FARP2: variants seen among roughly 807,000 people sequenced by gnomAD.
FARP2 encodes FERM, ARH/RhoGEF and pleckstrin domain protein 2.
A neutral mutation model predicts 130.5 loss-of-function variants in FARP2; 111 were observed. That is an observed-to-expected ratio of 0.85 (90% CI 0.73 to 1.00). The LOEUF is 1.00. Among genes scored for constraint, FARP2 ranks in the 50% least tolerant of loss-of-function variants. The pLI is 0.00. For synonymous variants in FARP2, 504 were observed against 516.9 expected (o/e 0.98, Z 0.34); for missense variants, 1,385 against 1,346.3 (o/e 1.03, Z -0.45).
In FARP2 at chr2:241,442,886, A is replaced by G. The variant is rs138340071; in HGVS notation, c.1411+1330A>G. 9.9e-3 allele frequency: 2,362 copies of G among 239,318 alleles called. 79 individuals are homozygous for G. The highest frequency in any genetic ancestry group is 0.063 in the South Asian group (1,248 of 19,752). 14.8% of individuals were successfully genotyped at this position (239,318 alleles called of 1,614,324 possible). ...ACAATTCTGTTCATGTTGATCTTCA[A>G]TAGAATATGTGTATTACACTATTGA... On this transcript the variant is annotated intron_variant, in intron 13 of 26. Coordinates refer to ENST00000264042, the MANE Select transcript of FARP2 (RefSeq NM_014808.4).
intron 9 of FARP2, among the ~76,000 whole-genome samples, chr2:241,432,851 C>T (rs1339398932): frequency 6.6e-6 from 1 of 152,148 alleles, no homozygotes; most frequent in Non-Finnish European, 1.5e-5. Context: ...GATGGCCATG[C>T]CTGTGTCAGC....
intron 6 of FARP2, 89 bp from the exon 7 acceptor site, chr2:241,413,218 A>AT (rs141753202): frequency 0.091 from 64,863 of 714,114 alleles, 2,599 homozygotes; most frequent in Middle Eastern, 0.11. Context: ...ATTTGGGATA[A>AT]TTTTTTTTTA....
chr2:241,413,167 A>T (rs3815262), intron 6 of FARP2, 140 bp from the exon 7 acceptor site: 100,137 of 565,790 alleles, frequency 0.18, 10,339 homozygotes, highest in Admixed American at 0.38. Flanking sequence ...AAAATTAAAT[A>T]AAAAATCTTG....
chr2:241,370,112 T>C (rs2061393578), intron 1 of FARP2, among the ~76,000 whole-genome samples: 1 of 152,172 alleles, frequency 6.6e-6, no homozygotes, highest in Non-Finnish European at 1.5e-5. Context: ...ATCTATTGTT[T>C]GGTAGCACAA....
In FARP2 at chr2:241,431,701, T is replaced by C. The variant is rs185323681; in HGVS notation, c.794T>C (p.Phe265Ser). The C allele has an allele frequency of 3.5e-4, 554 of 1,600,792 alleles. No homozygotes were observed. Among genetic ancestry groups the C allele is most frequent in the Middle Eastern group, 9.9e-4 (6 of 6,046 alleles). ...VFQGTTKINT[F>S]NWSKVRKLSF... Reference sequence around the variant, plus strand: ...CAGGGCACCACCAAAATCAACACTTTCAACTGGTCCAAGGTCCGTAAACTA... The same window carrying C: ...CAGGGCACCACCAAAATCAACACTTCCAACTGGTCCAAGGTCCGTAAACTA... The change falls in exon 9 of 27, where the codon TTC becomes TCC. Residue 265 changes from phenylalanine to serine, a missense_variant. Coordinates refer to ENST00000264042, the MANE Select transcript of FARP2 (RefSeq NM_014808.4).
At chr2:241,439,090 G>A (rs1032089605) in intron 12 of FARP2, among the ~76,000 whole-genome samples, 2 of 151,102 alleles carry the variant, frequency 1.3e-5, no homozygotes, top group African/African-American at 4.9e-5. Flanking sequence ...ATCACAGCTC[G>A]TTGCAGCCTC....
At chr2:241,424,250 A>G (rs958675236) in intron 8 of FARP2, among the ~76,000 whole-genome samples, 2 of 152,248 alleles carry the variant, frequency 1.3e-5, no homozygotes, top group African/African-American at 2.4e-5. Context: ...AACTGAAATC[A>G]TAACAAACAG....
intron 10 of FARP2, 30 bp from the exon 11 acceptor site, chr2:241,434,932 T>A (rs376499728): frequency 3.8e-6 from 5 of 1,330,238 alleles, no homozygotes; most frequent in Non-Finnish European, 5.4e-6. Flanking sequence ...CTTACTGTTC[T>A]TTATTAAAAA....
chr2:241,446,903 A>G (rs749152953), intron 13 of FARP2: 10 of 152,154 alleles, frequency 6.6e-5, no homozygotes, highest in Admixed American at 1.3e-4. Context: ...CCCTAGTTCA[A>G]GGAAGCGCCA....
chr2:241,386,789 T>G (rs1007480186), intron 2 of FARP2: 2 of 152,260 alleles, frequency 1.3e-5, no homozygotes, highest in African/African-American at 4.8e-5. Context: ...GCTGTTTTTC[T>G]TATCTGCCAT....
At chr2:241,451,279 G>A (rs1051742387) in intron 13 of FARP2, among the ~76,000 whole-genome samples, 1 of 152,080 alleles carries the variant, frequency 6.6e-6, no homozygotes, top group African/African-American at 2.4e-5. Context: ...TGGCCAATTT[G>A]CCGCTTTGAG....
intron 2 of FARP2, among the ~76,000 whole-genome samples, chr2:241,381,165 G>T (rs1243344049): frequency 6.6e-6 from 1 of 152,122 alleles, no homozygotes. Context: ...ACCCCACTCT[G>T]CTGTGGGCCC....
In FARP2 at chr2:241,475,941, T is replaced by C; in HGVS notation, c.2216T>C (p.Leu739Pro). The C allele has an allele frequency of 1.2e-6, 2 of 1,614,140 alleles. No homozygotes were observed. Among genetic ancestry groups the C allele is most frequent in the Non-Finnish European group, 1.7e-6 (2 of 1,179,980 alleles). ...GAGAACCTGCAGAAGCTAACGGAGC[T>C]GCAGCGGGACCTGGTGGGCATAGAG... ...RLENLQKLTE[L>P]QRDLVGIENL... Residue 739 changes from leucine to proline, a missense_variant, in exon 19 of 27, where the codon CTG (leucine) becomes CCG (proline). Physicochemically the swap from Leu to Pro is moderately conservative, Grantham distance 98 (BLOSUM62 -3). Coordinates refer to ENST00000264042, the MANE Select transcript of FARP2 (RefSeq NM_014808.4). This position sits in a 1 kb window ranked among gnomAD's most constrained non-coding sequence, Gnocchi z 4.4.
intron 8 of FARP2, among the ~76,000 whole-genome samples, chr2:241,424,850 A>T (rs1411320206): frequency 6.6e-6 from 1 of 152,322 alleles, no homozygotes; most frequent in Middle Eastern, 3.4e-3. Flanking sequence ...AAAATCTAAA[A>T]GAAACTGATA....
intron 8 of FARP2, among the ~76,000 whole-genome samples, chr2:241,420,830 T>G (rs1006309): frequency 0.76 from 115,910 of 152,058 alleles, 44,430 homozygotes; most frequent in Middle Eastern, 0.85. Context: ...ATCCACAGAG[T>G]TATGACAGCC....
At chr2:241,413,479 T>C in intron 7 of FARP2, 58 bp downstream of exon 7, 1 of 1,196,668 alleles carries the variant, frequency 8.4e-7, no homozygotes, top group African/African-American at 1.5e-5. Context: ...CTAAAGAGTG[T>C]GTAACGAGAA....
At chr2:241,467,119 G>A (rs1166167504) in intron 17 of FARP2, among the ~76,000 whole-genome samples, 2 of 152,052 alleles carry the variant, frequency 1.3e-5, no homozygotes, top group Non-Finnish European at 2.9e-5. Context: ...GCTGGGTGTG[G>A]TGGTGTGCGC....
chr2:241,471,655 G>A (rs946804514), intron 18 of FARP2, among the ~76,000 whole-genome samples: 2 of 151,570 alleles, frequency 1.3e-5, no homozygotes, highest in Non-Finnish European at 2.9e-5. Flanking sequence ...CACCACGCCT[G>A]TCTAATTTTT....
rs1559789413 is a variant in FARP2 at position 241,456,880 on chromosome 2, T to TG, written c.1546dup (p.Ala516GlyfsTer73). ...CACTCCTGAGCCCTGTCCTCAGTGATGCTGGCGGAGCCGGGATGGACTGCG... is the reference window on the plus strand; with the variant it reads ...CACTCCTGAGCCCTGTCCTCAGTGATGGCTGGCGGAGCCGGGATGGACTGCG... On this transcript the variant is annotated frameshift_variant, in exon 14 of 27. Transcript: ENST00000264042. LOFTEE classifies it high-confidence loss of function. 8 of 1,610,546 alleles carry TG rather than the reference T, an allele frequency of 5.0e-6. No individual in the cohort carries two copies. The highest frequency in any genetic ancestry group is 6.8e-6 in the Non-Finnish European group (8 of 1,178,212).
Sources: allele counts gnomAD v4.1 joint callset (sites outside exome capture counted in the v4.1 genomes callset), GRCh38; gene constraint gnomAD v4.1.1; non-coding constraint Gnocchi (gnomAD v3.1); transcripts MANE v1.5; gene names NCBI Gene and HGNC (gene_info 2026-07-23, HGNC 2026-07-21).